The following MBOAT2 variants were observed in gnomAD, a reference collection of about 807,000 sequenced individuals.
MBOAT2 encodes membrane bound glycerophospholipid O-acyltransferase 2, also known as membrane-bound glycerophospholipid O-acyltransferase 2.
MBOAT2 carries 28 observed loss-of-function variants against 63.4 expected under a neutral mutation model. The ratio of observed to expected loss-of-function variants is 0.44; its 90% CI spans 0.33 to 0.61. The LOEUF is 0.61. Among genes scored for constraint, MBOAT2 ranks in the 20% least tolerant of loss-of-function variants. The pLI is 0.03. For synonymous variants in MBOAT2, 211 were observed against 215.6 expected (o/e 0.98, Z 0.19); for missense variants, 470 against 605.8 (o/e 0.78, Z 2.35).
chr2:8,921,532 C>A (rs1474848483), intron 3 of MBOAT2, among the ~76,000 whole-genome samples: 2 of 152,162 alleles, frequency 1.3e-5, no homozygotes, highest in Non-Finnish European at 2.9e-5. Context: ...TTTACCATTT[C>A]TGGAGCTTCT....
intron 1 of MBOAT2, among the ~76,000 whole-genome samples, chr2:8,966,599 A>T (rs1411616022): frequency 6.6e-6 from 1 of 152,208 alleles, no homozygotes; most frequent in Non-Finnish European, 1.5e-5. Context: ...CAGCCAGTTA[A>T]GTAAAGATGA....
intron 3 of MBOAT2, among the ~76,000 whole-genome samples, chr2:8,909,525 G>A (rs1464467558): frequency 6.6e-6 from 1 of 151,954 alleles, no homozygotes; most frequent in Non-Finnish European, 1.5e-5. Flanking sequence ...AATTGGGGAA[G>A]GACTTTCTAA....
At chr2:8,880,706 G>C (rs1261875038) in intron 6 of MBOAT2, among the ~76,000 whole-genome samples, 1 of 152,220 alleles carries the variant, frequency 6.6e-6, no homozygotes, top group Non-Finnish European at 1.5e-5. Flanking sequence ...CAGAGAGAAA[G>C]AGCCAGTGAA....
At chr2:8,960,840 T>C (rs994000357) in intron 1 of MBOAT2, among the ~76,000 whole-genome samples, 1 of 152,226 alleles carries the variant, frequency 6.6e-6, no homozygotes, top group African/African-American at 2.4e-5. Flanking sequence ...CAGGTTCTTA[T>C]GATCCTCAAG....
At chr2:9,001,867 T>C (rs1672713317) in intron 1 of MBOAT2, among the ~76,000 whole-genome samples, 1 of 151,918 alleles carries the variant, frequency 6.6e-6, no homozygotes, top group Non-Finnish European at 1.5e-5. Context: ...GAAAGAAAGA[T>C]GGGGGAGAGA....
At chr2:8,942,494 A>C (rs1668124329) in intron 3 of MBOAT2, among the ~76,000 whole-genome samples, 1 of 152,166 alleles carries the variant, frequency 6.6e-6, no homozygotes, top group Non-Finnish European at 1.5e-5. Context: ...CTTAGTTACC[A>C]ATCTCCTCTT....
At chr2:8,995,249 A>C (rs1672201686) in intron 1 of MBOAT2, among the ~76,000 whole-genome samples, 1 of 152,230 alleles carries the variant, frequency 6.6e-6, no homozygotes. Flanking sequence ...GAGAGAAAAA[A>C]AAATCACATG....
intron 1 of MBOAT2, among the ~76,000 whole-genome samples, chr2:8,995,796 T>G (rs1001613454): frequency 2.0e-5 from 3 of 152,156 alleles, no homozygotes; most frequent in Non-Finnish European, 4.4e-5. Flanking sequence ...TTTCACCGTG[T>G]TAGCCAGAAT....
chr2:8,860,013 A>AT (rs1661380205), intron 12 of MBOAT2, among the ~76,000 whole-genome samples: 1 of 151,932 alleles, frequency 6.6e-6, no homozygotes, highest in Non-Finnish European at 1.5e-5. Context: ...GTGAAACCCC[A>AT]TCTCTACTAA....
chr2:8,891,233 G>A (rs1261177269), intron 4 of MBOAT2, among the ~76,000 whole-genome samples: 3 of 152,224 alleles, frequency 2.0e-5, no homozygotes, highest in African/African-American at 4.8e-5. Context: ...AAAGACAGAA[G>A]ACAAAATTAT....
At chr2:8,936,224 AC>A (rs1160439704) in intron 3 of MBOAT2, among the ~76,000 whole-genome samples, 49 of 152,254 alleles carry the variant, frequency 3.2e-4, no homozygotes, top group African/African-American at 1.1e-3. Flanking sequence ...AGCATAACAA[AC>A]ATTTGTTGCA....
chr2:8,929,848 A>G (rs185508635), intron 3 of MBOAT2, among the ~76,000 whole-genome samples: 1 of 152,348 alleles, frequency 6.6e-6, no homozygotes, highest in Admixed American at 6.5e-5. Context: ...TTCCTGCATC[A>G]GGACTTGGTC....
chr2:8,955,365 C>A (rs73916030), intron 2 of MBOAT2, among the ~76,000 whole-genome samples: 2,700 of 152,262 alleles, frequency 0.018, 54 homozygotes, highest in African/African-American at 0.053. Flanking sequence ...GCTCAGATCC[C>A]CAGTGGAAAG....
intron 2 of MBOAT2, among the ~76,000 whole-genome samples, chr2:8,946,724 G>A (rs1668441384): frequency 6.6e-6 from 1 of 152,102 alleles, no homozygotes; most frequent in Non-Finnish European, 1.5e-5. Flanking sequence ...GTAATCGTTT[G>A]GGGGCACCAC....
At chr2:8,912,251 AAGAC>A (rs1338569938) in intron 3 of MBOAT2, among the ~76,000 whole-genome samples, 1 of 151,096 alleles carries the variant, frequency 6.6e-6, no homozygotes, top group African/African-American at 2.4e-5. Context: ...ATCAATAAGA[AAGAC>A]AGACAGACAT....
At chr2:8,962,210 C>A (rs1669656043) in intron 1 of MBOAT2, among the ~76,000 whole-genome samples, 1 of 152,172 alleles carries the variant, frequency 6.6e-6, no homozygotes, top group African/African-American at 2.4e-5. Context: ...TTTACCGAGA[C>A]TGAAACAGTT....
At chr2:8,870,263 C>T (rs910272611) in intron 8 of MBOAT2, among the ~76,000 whole-genome samples, 1 of 152,132 alleles carries the variant, frequency 6.6e-6, no homozygotes, top group Non-Finnish European at 1.5e-5. Context: ...GGCAGGGCCA[C>T]AGGGCTGTGG....
rs1215098272 is a variant in MBOAT2, at chr2:8,853,899, T to C, written c.*4780A>G. 6.6e-6 allele frequency: 1 copy of C among 152,192 alleles called. No homozygotes were observed. Among genetic ancestry groups the C allele is most frequent in the African/African-American group, 2.4e-5 (1 of 41,446 alleles). The allele number at this position is 152,192 out of a possible 1,614,324, so 9.4% of individuals were successfully genotyped here. ...GTCAATGGCCTATGGAACGTGTCAG[T>C]TCTTTATTGGGATTTGCATAATGTT... On this transcript the variant is annotated 3_prime_UTR_variant, in exon 13 of 13. Transcript: ENST00000305997.
At chr2:8,974,442 G>T (rs955651409) in intron 1 of MBOAT2, 5 of 456,354 alleles carry the variant, frequency 1.1e-5, no homozygotes, top group Non-Finnish European at 2.2e-5. Flanking sequence ...CAGCCTAGGA[G>T]AAATAAATAA....
Sources: gnomAD v4.1 joint callset for allele counts (sites outside exome capture counted in the v4.1 genomes callset) on GRCh38, gnomAD v4.1.1 for gene constraint, MANE v1.5 for transcripts, NCBI Gene and HGNC (gene_info 2026-07-23, HGNC 2026-07-21) for gene names.